The following TRERF1 variants were observed in gnomAD, a reference collection of about 807,000 sequenced individuals.
TRERF1 encodes transcriptional regulating factor 1.
In TRERF1, 27 loss-of-function variants were observed where a neutral mutation model predicts 122.9. The ratio of observed to expected loss-of-function variants is 0.22; its 90% CI spans 0.16 to 0.30. The LOEUF (loss-of-function observed/expected upper bound fraction) is 0.30, where lower values mean the gene tolerates loss of function less well. TRERF1 is among the 10% of genes least tolerant of loss of function. The pLI is 1.00. For synonymous variants in TRERF1, 636 were observed against 641.7 expected, an observed-to-expected ratio of 0.99 and a Z score of 0.13; for missense variants, 1,248 against 1,560.3, an observed-to-expected ratio of 0.80 and a Z score of 3.37.
chr6:42,401,596 G>C (rs1779397061), intron 2 of TRERF1, among the ~76,000 whole-genome samples: 1 of 152,094 alleles, frequency 6.6e-6, no homozygotes, highest in Non-Finnish European at 1.5e-5. Context: ...AACTCCATGA[G>C]ACCCCCAGGC....
At chr6:42,262,080 C>T (rs1045003935) in intron 8 of TRERF1, among the ~76,000 whole-genome samples, 30 of 152,198 alleles carry the variant, frequency 2.0e-4, no homozygotes, top group African/African-American at 6.7e-4. Flanking sequence ...AACACTGTTT[C>T]TCCTGCCAAA....
intron 10 of TRERF1, among the ~76,000 whole-genome samples, chr6:42,257,616 G>A (rs902662636): frequency 6.6e-6 from 1 of 152,198 alleles, no homozygotes; most frequent in Non-Finnish European, 1.5e-5. Context: ...AATGGTGTTG[G>A]AACTTAGGTT....
intron 3 of TRERF1, among the ~76,000 whole-genome samples, chr6:42,307,633 G>A (rs1561956170): frequency 6.6e-6 from 1 of 151,628 alleles, no homozygotes; most frequent in Non-Finnish European, 1.5e-5. Context: ...ACAAGTCAAT[G>A]GCAAACTGTT....
At chr6:42,262,437 A>T (rs1225510210) in intron 8 of TRERF1, among the ~76,000 whole-genome samples, 1 of 8,238 alleles carries the variant, frequency 1.2e-4, no homozygotes. Flanking sequence ...CTAGGGGCAG[A>T]GAGAGAGAGA....
At chr6:42,440,057 C>T (rs1786213309) in intron 2 of TRERF1, among the ~76,000 whole-genome samples, 1 of 152,132 alleles carries the variant, frequency 6.6e-6, no homozygotes, top group East Asian at 1.9e-4. Flanking sequence ...AGCCACCCAC[C>T]GTGGCCTGGC....
chr6:42,232,297 G>A lies in TRERF1; in HGVS notation c.3278+384C>T, dbSNP rs932195108. Among the ~76,000 whole-genome samples, 3 of 152,220 alleles carry A rather than the reference G, an allele frequency of 2.0e-5. No homozygotes were observed. The highest frequency in any genetic ancestry group is 7.2e-5 in the African/African-American group (3 of 41,462). ...GTATGAGCCATCTGTGTTACAGAGA[G>A]TTCCTGATTAGATGTTGTAGAGCCA... On this transcript the variant is annotated intron_variant, in intron 17 of 17. Transcript: ENST00000372922. This position sits in a 1 kb window ranked among gnomAD's most constrained non-coding sequence, Gnocchi z 4.5.
In TRERF1 at chr6:42,268,925, C is replaced by G; in HGVS notation, c.666G>C (p.Gln222His). The G allele has an allele frequency of 1.2e-6, 2 of 1,612,536 alleles. No individual in the cohort carries two copies. The highest frequency in any genetic ancestry group is 1.7e-6 in the Non-Finnish European group (2 of 1,178,866). Reference sequence around the variant, plus strand: ...GCCCTTGGGTAGGGTGCTGCCCGACCTGAAGAGCTGGTTTGGACAGCCCAC... The same window carrying G: ...GCCCTTGGGTAGGGTGCTGCCCGACGTGAAGAGCTGGTTTGGACAGCCCAC... The change falls in exon 5 of 18, where the codon CAG becomes CAC. Residue 222 changes from glutamine to histidine, a missense_variant. Physicochemically the swap from Gln to His is conservative, Grantham distance 24. Coordinates refer to ENST00000372922, the Ensembl canonical transcript of TRERF1. The surrounding 1 kb of genome is among the most constrained non-coding windows in gnomAD (Gnocchi z 4.4).
Position 42,300,759 on chromosome 6 carries a change from A to T in TRERF1, c.-370-10T>A, listed in dbSNP as rs2150245062. The T allele has an allele frequency of 6.5e-6, 1 of 152,756 alleles. No homozygotes were observed. The highest frequency in any genetic ancestry group is 6.5e-5 in the Admixed American group (1 of 15,288). The allele number at this position is 152,756 out of a possible 1,614,324, so 9.5% of individuals were successfully genotyped here. The stretch of plus-strand genomic sequence containing the variant: ...AAGAGGAGGCCTGGTCCTGTGGGGA[A>T]AAGAAAAAGGAAAGGTCATTTCCTC... On this transcript the variant is annotated splice_polypyrimidine_tract_variant and intron_variant, in intron 3 of 17. Coordinates refer to ENST00000372922, the Ensembl canonical transcript of TRERF1.
intron 2 of TRERF1, among the ~76,000 whole-genome samples, chr6:42,371,591 G>T (rs959405865): frequency 1.3e-5 from 2 of 152,136 alleles, no homozygotes; most frequent in South Asian, 4.1e-4. Context: ...AACTTCTGGG[G>T]CTCTCGAGGT....
intron 4 of TRERF1, among the ~76,000 whole-genome samples, chr6:42,270,624 G>A (rs1301640887): frequency 6.6e-6 from 1 of 152,082 alleles, no homozygotes; most frequent in Admixed American, 6.6e-5. Context: ...AGGGGAAAAC[G>A]ATGCATGTAA....
At chr6:42,239,995 G>A (rs951972392) in intron 15 of TRERF1, among the ~76,000 whole-genome samples, 3 of 151,884 alleles carry the variant, frequency 2.0e-5, no homozygotes, top group African/African-American at 7.3e-5. Flanking sequence ...AAGAGGGTGT[G>A]GCCCCTTGGG....
intron 6 of TRERF1, 122 bp from the exon 7 acceptor site, chr6:42,264,976 A>C (rs922378740): frequency 9.2e-7 from 1 of 1,087,422 alleles, no homozygotes; most frequent in African/African-American, 1.6e-5. Flanking sequence ...CCCATTGTCC[A>C]TGGCACCACT....
chr6:42,277,764 G>A (rs1781411497), intron 4 of TRERF1, among the ~76,000 whole-genome samples: 1 of 151,930 alleles, frequency 6.6e-6, no homozygotes, highest in South Asian at 2.1e-4. Flanking sequence ...AATCACCTGA[G>A]CCTAGGAAGT....
At chr6:42,298,893 T>C (rs546673209) in intron 4 of TRERF1, among the ~76,000 whole-genome samples, 44 of 152,118 alleles carry the variant, frequency 2.9e-4, no homozygotes, top group Admixed American at 7.2e-4. Context: ...GGAGCCAAGA[T>C]TGTGTCACTG....
intron 2 of TRERF1, among the ~76,000 whole-genome samples, chr6:42,424,409 C>T (rs1244911072): frequency 6.6e-6 from 1 of 152,182 alleles, no homozygotes. Context: ...TGACCTCAGT[C>T]CATGACATGT....
intron 2 of TRERF1, among the ~76,000 whole-genome samples, chr6:42,392,931 T>TAC (rs58784390): frequency 0.43 from 63,588 of 147,538 alleles, 13,951 homozygotes; most frequent in South Asian, 0.55. Context: ...TACACACACA[T>TAC]ACACACACAC....
chr6:42,358,591 T>C (rs149274714), intron 3 of TRERF1, among the ~76,000 whole-genome samples: 3 of 152,346 alleles, frequency 2.0e-5, no homozygotes, highest in Admixed American at 1.3e-4. Flanking sequence ...AAGAACAATG[T>C]AGTAAATTAT....
At chr6:42,255,462 G>A (rs1182811366) in intron 12 of TRERF1, among the ~76,000 whole-genome samples, 1 of 152,212 alleles carries the variant, frequency 6.6e-6, no homozygotes, top group African/African-American at 2.4e-5. Context: ...ATAGTTTCAG[G>A]GCAGAGCAGG....
At chr6:42,352,263 C>T (rs1032935176) in intron 3 of TRERF1, among the ~76,000 whole-genome samples, 12 of 152,154 alleles carry the variant, frequency 7.9e-5, no homozygotes, top group African/African-American at 1.4e-4. Context: ...CCAAAGTGCT[C>T]GGATTACAGG....
Sources: gnomAD v4.1 joint callset for allele counts (sites outside exome capture counted in the v4.1 genomes callset) on GRCh38, gnomAD v4.1.1 for gene constraint, Gnocchi (gnomAD v3.1) non-coding constraint, MANE v1.5 for transcripts, NCBI Gene and HGNC (gene_info 2026-07-23, HGNC 2026-07-21) for gene names.